DMD: variants seen among roughly 807,000 people sequenced by gnomAD.
DMD encodes dystrophin.
A neutral mutation model predicts 330.1 loss-of-function variants in DMD; 63 were observed. The ratio of observed to expected loss-of-function variants is 0.19; its 90% CI spans 0.16 to 0.24. DMD has a LOEUF of 0.24. Among genes scored for constraint, DMD ranks in the 10% least tolerant of loss-of-function variants. The pLI, the probability that DMD is intolerant of heterozygous loss-of-function variation, is 1.00. For missense variants in DMD, 3,344 were observed against 2,684.1 expected, an observed-to-expected ratio of 1.25 and a Z score of -5.43; for synonymous variants, 1,223 against 959.8, an observed-to-expected ratio of 1.27 and a Z score of -5.07.
At chrX:31,704,125 A>G (rs1186090231) in intron 52 of DMD, among the ~76,000 whole-genome samples, 2 of 112,340 alleles carry the variant, frequency 1.8e-5, no homozygotes, top group South Asian at 3.7e-4. Flanking sequence ...AGCTTAATAC[A>G]AAATATGTAA....
At chrX:33,078,034 T>C (rs981946003) in intron 1 of DMD, among the ~76,000 whole-genome samples, 24 of 112,168 alleles carry the variant, frequency 2.1e-4, no homozygotes, top group African/African-American at 6.8e-4. Flanking sequence ...CTCTGTTCCA[T>C]GAAGAATCTC....
At chrX:31,133,074 T>A (rs1291547222) in intron 77 of DMD, among the ~76,000 whole-genome samples, 1 of 111,738 alleles carries the variant, frequency 8.9e-6, no homozygotes, top group African/African-American at 3.3e-5. Context: ...AGCTAGGAAA[T>A]GGCCATTGTT....
intron 51 of DMD, among the ~76,000 whole-genome samples, chrX:31,749,648 G>T (rs1410610830): frequency 1.3e-4 from 14 of 108,150 alleles, no homozygotes; most frequent in Non-Finnish European, 2.7e-4. Flanking sequence ...TAGTCCTTTG[G>T]GTATATACCC....
At chrX:32,049,656 G>A (rs2096092068) in intron 44 of DMD, among the ~76,000 whole-genome samples, 1 of 111,356 alleles carries the variant, frequency 9.0e-6, no homozygotes, top group Non-Finnish European at 1.9e-5. Context: ...GGGTCAAAGT[G>A]ATCCACAGTT....
chrX:32,282,377 C>G (rs897847223), intron 43 of DMD, among the ~76,000 whole-genome samples: 3 of 111,477 alleles, frequency 2.7e-5, no homozygotes, highest in Non-Finnish European at 5.7e-5. Flanking sequence ...GTTACCCACC[C>G]GAAAATCAAT....
At chrX:32,436,625 C>T (rs1321966928) in intron 29 of DMD, among the ~76,000 whole-genome samples, 1 of 111,571 alleles carries the variant, frequency 9.0e-6, no homozygotes, top group Non-Finnish European at 1.9e-5. Flanking sequence ...AGAGAGTAAG[C>T]TATTCCTAAG....
intron 1 of DMD, among the ~76,000 whole-genome samples, chrX:33,292,472 T>C (rs940397541): frequency 1.5e-4 from 17 of 111,200 alleles, no homozygotes; most frequent in Non-Finnish European, 3.0e-4. Context: ...TTGATTCTTA[T>C]CCAAATTTGA....
intron 2 of DMD, among the ~76,000 whole-genome samples, chrX:33,007,410 G>T (rs2147496508): frequency 9.0e-6 from 1 of 110,731 alleles, no homozygotes; most frequent in East Asian, 2.9e-4. Flanking sequence ...CTTCCTTCAG[G>T]TTTTTTGTAT....
At chrX:32,647,495 A>C (rs188562152) in intron 9 of DMD, among the ~76,000 whole-genome samples, 1 of 111,837 alleles carries the variant, frequency 8.9e-6, no homozygotes, top group East Asian at 2.8e-4. Flanking sequence ...AAGAAAATAC[A>C]AACGACCAAG....
chrX:32,316,343 G>C (rs1391809867), intron 41 of DMD, among the ~76,000 whole-genome samples: 1 of 111,702 alleles, frequency 9.0e-6, no homozygotes, highest in Middle Eastern at 4.2e-3. Context: ...CCATTATAAA[G>C]ATAAATTAGA....
chrX:32,218,285 T>C (rs2097120668), intron 43 of DMD, among the ~76,000 whole-genome samples: 1 of 111,560 alleles, frequency 9.0e-6, no homozygotes, highest in Non-Finnish European at 1.9e-5. Context: ...ATCCAGGTGA[T>C]TTCAATGTAC....
At position 32,399,386 on chromosome X, in the gene DMD, T is replaced by C. The variant is rs190217021; in HGVS notation, c.4234-9205A>G. ...TATATAAAGAGCTCAAACAACTCTA[T>C]AGGAAAAAACTAATAATCTGATTAA... On this transcript the variant is annotated intron_variant, in intron 30 of 78. Transcript: ENST00000357033. Among the ~76,000 whole-genome samples the C allele has an allele frequency of 7.5e-3, 839 of 111,667 alleles. 3 individuals carry two copies. The highest frequency in any genetic ancestry group is 0.012 in the Non-Finnish European group (654 of 53,031).
chrX:32,183,518 C>A (rs2096934252), intron 44 of DMD, among the ~76,000 whole-genome samples: 1 of 102,743 alleles, frequency 9.7e-6, no homozygotes, highest in Non-Finnish European at 2.0e-5. Flanking sequence ...GTCCTTTGAC[C>A]CATTAGTCCA....
At chrX:31,581,306 T>C (rs1214665042) in intron 55 of DMD, among the ~76,000 whole-genome samples, 1 of 112,071 alleles carries the variant, frequency 8.9e-6, no homozygotes, top group Non-Finnish European at 1.9e-5. Flanking sequence ...ATCAATAAGG[T>C]GTTATGAAGA....
intron 7 of DMD, among the ~76,000 whole-genome samples, chrX:32,799,480 A>G (rs1201716952): frequency 2.7e-5 from 3 of 111,576 alleles, no homozygotes; most frequent in African/African-American, 9.8e-5. Flanking sequence ...AAAGACATCT[A>G]GAACAGGCGC....
At chrX:32,116,092 A>G (rs1019951707) in intron 44 of DMD, among the ~76,000 whole-genome samples, 48 of 111,776 alleles carry the variant, frequency 4.3e-4, no homozygotes, top group African/African-American at 1.5e-3. Flanking sequence ...CCTTGCCTAT[A>G]CTTGCACCTC....
At chrX:31,804,614 G>A (rs768418212) in intron 50 of DMD, among the ~76,000 whole-genome samples, 17 of 111,465 alleles carry the variant, frequency 1.5e-4, no homozygotes, top group Non-Finnish European at 3.2e-4. Flanking sequence ...TGCAGTTTGC[G>A]AACATGCATG....
At chrX:32,794,681 C>A (rs757904311) in intron 7 of DMD, among the ~76,000 whole-genome samples, 8 of 112,116 alleles carry the variant, frequency 7.1e-5, no homozygotes, top group Non-Finnish European at 1.1e-4. Context: ...CTAGCCAGAG[C>A]AATCAAGAGA....
intron 1 of DMD, among the ~76,000 whole-genome samples, chrX:33,078,966 A>T (rs2094884842): frequency 8.9e-6 from 1 of 111,966 alleles, no homozygotes; most frequent in Admixed American, 9.5e-5. Flanking sequence ...CTAACGTCAC[A>T]ATCTCCAGAG....
Sources: allele counts gnomAD v4.1 joint callset (sites outside exome capture counted in the v4.1 genomes callset), GRCh38; gene constraint gnomAD v4.1.1; transcripts MANE v1.5; gene names NCBI Gene and HGNC (gene_info 2026-07-23, HGNC 2026-07-21).